FAM167A: variants seen among roughly 807,000 people sequenced by gnomAD.
FAM167A encodes family with sequence similarity 167 member A.
Under a neutral mutation model 14.9 loss-of-function variants are expected in FAM167A, and 23 were observed. That is an observed-to-expected ratio of 1.55 (90% CI 1.11 to 2.19). The LOEUF is 2.19. Ranked by LOEUF, FAM167A falls within the 30% of genes most tolerant of loss-of-function variation. The pLI, the probability that FAM167A is intolerant of heterozygous loss-of-function variation, is 0.00. For missense variants in FAM167A, 401 were observed against 281.5 expected, an observed-to-expected ratio of 1.42 and a Z score of -3.04; for synonymous variants, 174 against 117.7, an observed-to-expected ratio of 1.48 and a Z score of -3.10.
chr8:11,464,224 C>A (rs1807660733), intron 1 of FAM167A, among the ~76,000 whole-genome samples: 1 of 152,138 alleles, frequency 6.6e-6, no homozygotes, highest in South Asian at 2.1e-4. Context: ...TCCAACACTT[C>A]TCCAGAGAGA....
At chr8:11,468,795 T>C (rs528117008), upstream of FAM167A, among the ~76,000 whole-genome samples, 1 of 152,166 alleles carries the variant, frequency 6.6e-6, no homozygotes, top group Non-Finnish European at 1.5e-5. Context: ...TGCTTTCTCA[T>C]GGGGGAATTG....
chr8:11,473,163 G>T (rs1331120068), intron 1 of FAM167A, among the ~76,000 whole-genome samples: 1 of 152,178 alleles, frequency 6.6e-6, no homozygotes, highest in Non-Finnish European at 1.5e-5. Flanking sequence ...CAACTCAATA[G>T]CCCACGGCAA....
intron 1 of FAM167A, among the ~76,000 whole-genome samples, chr8:11,448,104 G>A (rs1437782434): frequency 6.6e-6 from 1 of 151,750 alleles, no homozygotes; most frequent in Admixed American, 6.6e-5. Flanking sequence ...TGGGGCAGGA[G>A]AATCGCTTGA....
At chr8:11,451,528 C>G (rs1807027737) in intron 1 of FAM167A, among the ~76,000 whole-genome samples, 1 of 152,268 alleles carries the variant, frequency 6.6e-6, no homozygotes. Flanking sequence ...CCAACACCCT[C>G]TCCTTTCCTG....
chr8:11,443,130 C>T (rs980567645), intron 2 of FAM167A, among the ~76,000 whole-genome samples: 12 of 152,134 alleles, frequency 7.9e-5, no homozygotes, highest in Admixed American at 3.3e-4. Flanking sequence ...GCCTCAGGGA[C>T]GGGGTGGGGC....
chr8:11,447,746 G>C (rs1487314775), intron 1 of FAM167A, among the ~76,000 whole-genome samples: 1 of 152,228 alleles, frequency 6.6e-6, no homozygotes, highest in Non-Finnish European at 1.5e-5. Context: ...CTGGGTTAGA[G>C]CTCCAGGGCA....
upstream of FAM167A, among the ~76,000 whole-genome samples, chr8:11,467,237 T>G (rs1172467682): frequency 6.6e-6 from 1 of 152,202 alleles, no homozygotes; most frequent in Non-Finnish European, 1.5e-5. Context: ...GGCTGCCAGA[T>G]GAGGAAACTG....
intron 2 of FAM167A, among the ~76,000 whole-genome samples, chr8:11,441,923 A>G (rs1040955005): frequency 2.0e-5 from 3 of 152,240 alleles, no homozygotes; most frequent in Non-Finnish European, 4.4e-5. Context: ...GTCATCCGAC[A>G]ATTAGAAGAG....
At chr8:11,440,343 T>C (rs1806359739) in intron 2 of FAM167A, among the ~76,000 whole-genome samples, 1 of 152,178 alleles carries the variant, frequency 6.6e-6, no homozygotes, top group Non-Finnish European at 1.5e-5. Context: ...CACATTAGCC[T>C]GAAGGAAAAT....
intron 1 of FAM167A, among the ~76,000 whole-genome samples, chr8:11,446,936 G>A (rs1438815708): frequency 6.6e-6 from 1 of 152,206 alleles, no homozygotes; most frequent in East Asian, 1.9e-4. Context: ...ATCCATCAAA[G>A]CTTCCTGGAG....
At chr8:11,442,717 T>G in intron 2 of FAM167A, among the ~76,000 whole-genome samples, 1 of 150,680 alleles carries the variant, frequency 6.6e-6, no homozygotes, top group South Asian at 2.2e-4. Flanking sequence ...GCACCAGGGG[T>G]GATAGAGCAC....
At chr8:11,455,447 G>A (rs1389291431) in intron 1 of FAM167A, among the ~76,000 whole-genome samples, 1 of 144,714 alleles carries the variant, frequency 6.9e-6, no homozygotes, top group African/African-American at 2.6e-5. Context: ...TGTGGGGGGT[G>A]GCTGCTCTGC....
At chr8:11,468,681 G>A (rs1585287760), upstream of FAM167A, among the ~76,000 whole-genome samples, 1 of 152,206 alleles carries the variant, frequency 6.6e-6, no homozygotes, top group South Asian at 2.1e-4. Context: ...AATGCTCCAA[G>A]ATCTTTTTGG....
intron 1 of FAM167A, among the ~76,000 whole-genome samples, chr8:11,447,238 A>G (rs141549413): frequency 0.014 from 2,053 of 147,786 alleles, 31 homozygotes; most frequent in South Asian, 0.03. Context: ...CTGGAGTGCA[A>G]TGGCGTGATC....
rs549491200 is a variant in FAM167A, at chr8:11,438,767, C to T, written c.381+5264G>A. The T allele has an allele frequency of 8.7e-6, 3 of 345,178 alleles. No homozygotes were observed. In the East Asian group the frequency reaches 2.3e-4, roughly 27 times the overall value. 21.4% of individuals were successfully genotyped at this position (345,178 alleles called of 1,614,324 possible). On this transcript the variant is annotated intron_variant, in intron 2 of 2. Coordinates refer to ENST00000284486, the MANE Select transcript of FAM167A (RefSeq NM_053279.3). Reference sequence around the variant, plus strand: ...TTCCTCCTGCAGGGCTGGTGCCAGACAGGCTGAAAGCACCGGGCTATGCAG... The same window carrying T: ...TTCCTCCTGCAGGGCTGGTGCCAGATAGGCTGAAAGCACCGGGCTATGCAG...
intron 2 of FAM167A, among the ~76,000 whole-genome samples, chr8:11,433,042 C>A (rs1344243340): frequency 6.6e-6 from 1 of 152,060 alleles, no homozygotes; most frequent in Non-Finnish European, 1.5e-5. Context: ...GGGAGGGGAA[C>A]ATCACATACC....
At chr8:11,427,902 T>C (rs560512984) in intron 2 of FAM167A, among the ~76,000 whole-genome samples, 14 of 152,312 alleles carry the variant, frequency 9.2e-5, no homozygotes, top group South Asian at 4.1e-4. Context: ...TTAATGATGA[T>C]AGGGTGGCTG....
At chr8:11,454,781 C>A (rs1321702523) in intron 1 of FAM167A, among the ~76,000 whole-genome samples, 1 of 152,182 alleles carries the variant, frequency 6.6e-6, no homozygotes, top group Non-Finnish European at 1.5e-5. Context: ...AGAAACCCAA[C>A]ACTTATCTCA....
At chr8:11,429,417 G>C (rs976344549) in intron 2 of FAM167A, among the ~76,000 whole-genome samples, 7 of 152,216 alleles carry the variant, frequency 4.6e-5, no homozygotes. Flanking sequence ...GTCTGAGCTG[G>C]GACTGGAGTG....
Sources: gnomAD v4.1 joint callset for allele counts (sites outside exome capture counted in the v4.1 genomes callset) on GRCh38, gnomAD v4.1.1 for gene constraint, MANE v1.5 for transcripts, NCBI Gene and HGNC (gene_info 2026-07-23, HGNC 2026-07-21) for gene names.